DERA: variants seen among roughly 807,000 people sequenced by gnomAD.
The protein encoded by DERA is deoxyribose-phosphate aldolase.
Under a neutral mutation model 41.1 loss-of-function variants are expected in DERA, and 15 were observed. The observed-to-expected ratio is 0.37, with a 90% CI of 0.24 to 0.56. DERA has a LOEUF of 0.56. DERA is among the 20% of genes least tolerant of loss of function. The pLI is 0.81. For synonymous variants in DERA, 139 were observed against 137.4 expected, an observed-to-expected ratio of 1.01 and a Z score of -0.08; for missense variants, 396 against 403.4, an observed-to-expected ratio of 0.98 and a Z score of 0.16.
intron 6 of DERA, among the ~76,000 whole-genome samples, chr12:16,002,561 G>A (rs183397167): frequency 3.0e-4 from 46 of 151,916 alleles, no homozygotes; most frequent in East Asian, 1.5e-3. Context: ...TTATAGTCAC[G>A]TACTCATCTC....
intron 5 of DERA, among the ~76,000 whole-genome samples, chr12:15,963,178 A>G (rs569405614): frequency 6.6e-6 from 1 of 152,322 alleles, no homozygotes; most frequent in East Asian, 1.9e-4. Flanking sequence ...GCTTAGGTGA[A>G]TAGTTACTTC....
Position 15,958,318 on chromosome 12 carries a change from T to TA in DERA, c.263dup (p.Asn88LysfsTer4), listed in dbSNP as rs749168665. 4 of 1,603,292 alleles carry TA rather than the reference T, an allele frequency of 2.5e-6. No homozygotes were observed. The highest frequency in any genetic ancestry group is 2.6e-6 in the Non-Finnish European group (3 of 1,175,446). On this transcript the variant is annotated frameshift_variant, in exon 3 of 9. Coordinates refer to ENST00000428559, the MANE Select transcript of DERA (RefSeq NM_015954.4). LOFTEE classifies it high-confidence loss of function. ...ATCCGGGAAGATCTCTTAAAAGCTT[T>TA]AAATATGCATGATAAAGGTAATGTT... is the stretch of plus-strand genomic sequence containing the variant.
In DERA at chr12:15,990,958, T is replaced by C. The variant is rs1211491904; in HGVS notation, c.637+8522T>C. Among the ~76,000 whole-genome samples the C allele has an allele frequency of 2.6e-5, 4 of 152,204 alleles. No individual in the cohort carries two copies. Among genetic ancestry groups the C allele is most frequent in the Non-Finnish European group, 5.9e-5 (4 of 68,018 alleles). ...TTTACAATAGAATGATTTATATCCC[T>C]TTGGGTGTATACACAGTAATGGGAT... On this transcript the variant is annotated intron_variant, in intron 6 of 8. Coordinates refer to ENST00000428559, the MANE Select transcript of DERA (RefSeq NM_015954.4). This position sits in a 1 kb window ranked among gnomAD's most constrained non-coding sequence, Gnocchi z 4.3.
At chr12:16,028,642 A>G (rs1949069887) in intron 6 of DERA, among the ~76,000 whole-genome samples, 1 of 152,214 alleles carries the variant, frequency 6.6e-6, no homozygotes. Flanking sequence ...CCAAGTGCTC[A>G]TGGTCAACAT....
Position 15,940,508 on chromosome 12 carries a change from C to T in DERA, c.32-16428C>T, listed in dbSNP as rs1001373058. 1.3e-5 allele frequency among the ~76,000 whole-genome samples: 2 copies of T among 152,044 alleles called. No individual in the cohort carries two copies. Among genetic ancestry groups the T allele is most frequent in the African/African-American group, 4.8e-5 (2 of 41,402 alleles). On this transcript the variant is annotated intron_variant, in intron 1 of 8. Transcript: ENST00000428559. The surrounding 1 kb of genome is among the most constrained non-coding windows in gnomAD (Gnocchi z 5.1). ...CTGGGACTACAGGCGCATGCCACCA[C>T]ACCTGGCTGATTTTTTGTATTTGTA...
chr12:16,001,705 G>C lies in DERA; in HGVS notation c.637+19269G>C, dbSNP rs1592044469. ...AACTGAGGAAGGACAAGAATAAATG[G>C]TATCAGAGGAGAAATTTTCCCAGGA... On this transcript the variant is annotated intron_variant, in intron 6 of 8. Transcript: ENST00000428559. The surrounding 1 kb of genome is among the most constrained non-coding windows in gnomAD (Gnocchi z 4.1). 6.6e-6 allele frequency among the ~76,000 whole-genome samples: 1 copy of C among 152,154 alleles called. No homozygotes were observed. Among genetic ancestry groups the C allele is most frequent in the Non-Finnish European group, 1.5e-5 (1 of 68,034 alleles).
chr12:16,012,797 T>A lies in DERA; in HGVS notation c.638-19745T>A, dbSNP rs951762496. Among the ~76,000 whole-genome samples the A allele has an allele frequency of 6.6e-6, 1 of 152,228 alleles. No homozygotes were observed. Among genetic ancestry groups the A allele is most frequent in the Non-Finnish European group, 1.5e-5 (1 of 68,038 alleles). Reference sequence around the variant, plus strand: ...TGAACAGATATATTTAATTTAAAAATTTTTAATAACCACATTAATTAAATG... The same window carrying A: ...TGAACAGATATATTTAATTTAAAAAATTTTAATAACCACATTAATTAAATG... On this transcript the variant is annotated intron_variant, in intron 6 of 8. Coordinates refer to ENST00000428559, the MANE Select transcript of DERA (RefSeq NM_015954.4). The surrounding 1 kb of genome is among the most constrained non-coding windows in gnomAD (Gnocchi z 4.1).
At position 16,029,913 on chromosome 12, in the gene DERA, C is replaced by CTTTTTTTTTTTTT. The variant is rs71438364; in HGVS notation, c.638-2614_638-2602dup. On this transcript the variant is annotated intron_variant, in intron 6 of 8. Coordinates refer to ENST00000428559, the MANE Select transcript of DERA (RefSeq NM_015954.4). ...TCAGACCTCCAAATGTAGCCTTGGT[C>CTTTTTTTTTTTTT]TTTTTTTTTTTTTTTTTTTTTTTTT... Among the ~76,000 whole-genome samples, 3 of 59,718 alleles carry CTTTTTTTTTTTTT rather than the reference C, an allele frequency of 5.0e-5. 1 individual carries two copies. Among genetic ancestry groups the CTTTTTTTTTTTTT allele is most frequent in the Non-Finnish European group, 8.8e-5 (3 of 34,036 alleles). The allele number at this position is 59,718 out of a possible 152,430, so 39.2% of individuals were successfully genotyped here.
intron 6 of DERA, among the ~76,000 whole-genome samples, chr12:16,028,181 A>G (rs1166290839): frequency 6.6e-6 from 1 of 152,182 alleles, no homozygotes; most frequent in Non-Finnish European, 1.5e-5. Flanking sequence ...GGCTTATACC[A>G]GGACTGGTGC....
At chr12:15,929,446 T>A (rs1330314789) in intron 1 of DERA, among the ~76,000 whole-genome samples, 2 of 152,182 alleles carry the variant, frequency 1.3e-5, no homozygotes, top group Non-Finnish European at 2.9e-5. Flanking sequence ...CTGTGCTCCA[T>A]AATGTAGCGG....
chr12:15,973,951 C>T (rs1011565670), intron 5 of DERA, among the ~76,000 whole-genome samples: 6 of 152,016 alleles, frequency 3.9e-5, no homozygotes, highest in African/African-American at 1.5e-4. Flanking sequence ...TTTAAACTTA[C>T]AGAAAAGTTG....
chr12:15,956,986 C>A lies in DERA; in HGVS notation c.82C>A (p.Arg28Ser), dbSNP rs374442153. The A allele has an allele frequency of 2.5e-6, 4 of 1,613,868 alleles. No individual in the cohort carries two copies. The highest frequency in any genetic ancestry group is 3.4e-6 in the Non-Finnish European group (4 of 1,179,828). The change falls in exon 2 of 9, where the codon CGT (arginine) becomes AGT (serine). Residue 28 changes from arginine to serine, a missense_variant. Physicochemically the swap from Arg to Ser is moderately radical, Grantham distance 110 (BLOSUM62 -1). Coordinates refer to ENST00000428559, the MANE Select transcript of DERA (RefSeq NM_015954.4). ...AGTGAATCACCCGGCAGTTCTGAGG[C>A]GTGCGGAACAAATCCAGGCTCGCAG... is the stretch of plus-strand genomic sequence containing the variant. ...IQVNHPAVLR[R>S]AEQIQARRTV...
rs998860186 is a variant in DERA, at chr12:15,983,575, G to A, written c.637+1139G>A. ...CATTATCTCCTCTGTGTGTCCCCAC[G>A]GCATTCAAGTAAAAGCCCTATCATA... is the stretch of plus-strand genomic sequence containing the variant. On this transcript the variant is annotated intron_variant, in intron 6 of 8. Coordinates refer to ENST00000428559, the MANE Select transcript of DERA (RefSeq NM_015954.4). This position sits in a 1 kb window ranked among gnomAD's most constrained non-coding sequence, Gnocchi z 6.2. Among the ~76,000 whole-genome samples the A allele has an allele frequency of 1.2e-4, 18 of 152,146 alleles. No homozygotes were observed. Among genetic ancestry groups the A allele is most frequent in the African/African-American group, 3.9e-4 (16 of 41,438 alleles).
intron 1 of DERA, among the ~76,000 whole-genome samples, chr12:15,944,882 A>T (rs1037274244): frequency 6.6e-6 from 1 of 152,168 alleles, no homozygotes; most frequent in African/African-American, 2.4e-5. Context: ...TTAAGTCTTT[A>T]ATCCATCTTG....
intron 1 of DERA, among the ~76,000 whole-genome samples, chr12:15,934,958 A>G (rs899245823): frequency 6.6e-6 from 1 of 152,226 alleles, no homozygotes; most frequent in Non-Finnish European, 1.5e-5. Flanking sequence ...CAATAGCGAA[A>G]AAGATTATGA....
intron 1 of DERA, among the ~76,000 whole-genome samples, chr12:15,949,462 A>G (rs879381578): frequency 0.22 from 33,500 of 151,874 alleles, 3,944 homozygotes; most frequent in Admixed American, 0.33. Context: ...TGTGCTAGCA[A>G]TGAGCAAGGC....
Position 15,918,957 on chromosome 12 carries a change from T to C in DERA, c.31+7543T>C, listed in dbSNP as rs1188379276. Among the ~76,000 whole-genome samples, 1 of 152,140 alleles carries C rather than the reference T, an allele frequency of 6.6e-6. No homozygotes were observed. Among genetic ancestry groups the C allele is most frequent in the African/African-American group, 2.4e-5 (1 of 41,404 alleles). On this transcript the variant is annotated intron_variant, in intron 1 of 8. Transcript: ENST00000428559. This position sits in a 1 kb window ranked among gnomAD's most constrained non-coding sequence, Gnocchi z 4.3. The stretch of plus-strand genomic sequence containing the variant: ...AATCTTCTCATTATACTATAATGGC[T>C]AAGAGTAATGTTTTCATGAAGAAAG...
At chr12:15,953,636 T>A (rs1181259990) in intron 1 of DERA, among the ~76,000 whole-genome samples, 3 of 152,208 alleles carry the variant, frequency 2.0e-5, no homozygotes, top group African/African-American at 7.2e-5. Flanking sequence ...CCCAAAGGCA[T>A]GTGTACTTAA....
At chr12:15,987,991 G>T (rs922377791) in intron 6 of DERA, among the ~76,000 whole-genome samples, 4 of 152,172 alleles carry the variant, frequency 2.6e-5, no homozygotes, top group Non-Finnish European at 5.9e-5. Context: ...TCCAGGTGCA[G>T]ACTCCATGCG....
Sources: gnomAD v4.1 joint callset for allele counts (sites outside exome capture counted in the v4.1 genomes callset) on GRCh38, gnomAD v4.1.1 for gene constraint, Gnocchi (gnomAD v3.1) non-coding constraint, MANE v1.5 for transcripts, NCBI Gene and HGNC (gene_info 2026-07-23, HGNC 2026-07-21) for gene names.